The following SNX29 variants were observed in gnomAD, a reference collection of about 807,000 sequenced individuals.
SNX29 encodes the protein sorting nexin 29.
A neutral mutation model predicts 102.1 loss-of-function variants in SNX29; 78 were observed. The ratio of observed to expected loss-of-function variants is 0.76; its 90% CI spans 0.64 to 0.92. The LOEUF (loss-of-function observed/expected upper bound fraction) is 0.92. SNX29 is among the 40% of genes least tolerant of loss of function. SNX29 has a pLI of 0.00. For missense variants in SNX29, 1,280 were observed against 1,061.7 expected (o/e 1.21, Z -2.86); for synonymous variants, 580 against 414.5 (o/e 1.40, Z -4.85).
At chr16:12,511,482 C>T (rs879435360) in intron 19 of SNX29, among the ~76,000 whole-genome samples, 1 of 152,138 alleles carries the variant, frequency 6.6e-6, no homozygotes, top group African/African-American at 2.4e-5. Flanking sequence ...TGATAAAGGT[C>T]CTATTATTGT....
chr16:12,476,367 A>T (rs1224728396), intron 18 of SNX29, among the ~76,000 whole-genome samples: 13 of 23,540 alleles, frequency 5.5e-4, no homozygotes, highest in Non-Finnish European at 7.3e-4. Context: ...AAAAAAAAAA[A>T]AAAAAAAAAA....
chr16:12,100,809 G>A (rs142368324), intron 11 of SNX29, among the ~76,000 whole-genome samples: 6 of 152,174 alleles, frequency 3.9e-5, no homozygotes, highest in African/African-American at 1.4e-4. Context: ...GAGCAGAGGT[G>A]GTGAGACAGG....
chr16:12,199,383 C>G (rs1414368418), intron 13 of SNX29, among the ~76,000 whole-genome samples: 1 of 152,176 alleles, frequency 6.6e-6, no homozygotes, highest in Admixed American at 6.5e-5. Flanking sequence ...GCTTATCTGT[C>G]TCATGAAAGA....
rs966943572 is a variant in SNX29 at position 12,098,934 on chromosome 16, A to G, written c.1402+20019A>G. 1.3e-5 allele frequency among the ~76,000 whole-genome samples: 2 copies of G among 152,026 alleles called. No homozygotes were observed. The highest frequency in any genetic ancestry group is 2.4e-5 in the African/African-American group (1 of 41,382). ...GGAAGAGCGCCTCCTGTCTGGCCCA[A>G]GTGGGCCAGGTCACTCCCTGCATTG... On this transcript the variant is annotated intron_variant, in intron 11 of 20. Coordinates refer to ENST00000566228, the MANE Select transcript of SNX29 (RefSeq NM_032167.5). This position sits in a 1 kb window ranked among gnomAD's most constrained non-coding sequence, Gnocchi z 6.0.
intron 14 of SNX29, among the ~76,000 whole-genome samples, chr16:12,270,311 G>A (rs1304568056): frequency 6.6e-6 from 1 of 152,178 alleles, no homozygotes; most frequent in Non-Finnish European, 1.5e-5. Flanking sequence ...GAATTGATTG[G>A]TTTATTGGGG....
intron 14 of SNX29, among the ~76,000 whole-genome samples, chr16:12,212,916 C>T (rs946118475): frequency 5.3e-5 from 8 of 152,126 alleles, no homozygotes; most frequent in African/African-American, 1.4e-4. Flanking sequence ...GAATTTGAGA[C>T]GAGCCTGGCC....
At chr16:12,240,111 A>G (rs936428468) in intron 14 of SNX29, among the ~76,000 whole-genome samples, 7 of 152,350 alleles carry the variant, frequency 4.6e-5, no homozygotes, top group Admixed American at 3.9e-4. Flanking sequence ...TAACGGCCGC[A>G]TGATGTCTCT....
Position 12,519,042 on chromosome 16 carries a change from C to T in SNX29, c.2179-5660C>T, listed in dbSNP as rs558590870. Among the ~76,000 whole-genome samples, 3 of 152,270 alleles carry T rather than the reference C, an allele frequency of 2.0e-5. No individual in the cohort carries two copies. In the South Asian group the frequency reaches 6.2e-4, roughly 32 times the overall value. ...GCTGCCAGGACGGGGAGCAGGCTGT[C>T]CTGGGGAGTGACGGTGCTATGTGGT... On this transcript the variant is annotated intron_variant, in intron 19 of 20. Coordinates refer to ENST00000566228, the MANE Select transcript of SNX29 (RefSeq NM_032167.5).
intron 18 of SNX29, among the ~76,000 whole-genome samples, chr16:12,446,621 C>T (rs146176454): frequency 4.5e-4 from 68 of 152,214 alleles, no homozygotes; most frequent in African/African-American, 1.6e-3. Context: ...AAAGAGTTGG[C>T]CCTGTGGAGG....
intron 13 of SNX29, among the ~76,000 whole-genome samples, chr16:12,169,850 G>T (rs2076104354): frequency 6.6e-6 from 1 of 151,810 alleles, no homozygotes; most frequent in South Asian, 2.1e-4. Flanking sequence ...GACCATCCAG[G>T]GTTCAACAGC....
At chr16:12,187,610 T>C (rs993539233) in intron 13 of SNX29, among the ~76,000 whole-genome samples, 1 of 151,960 alleles carries the variant, frequency 6.6e-6, no homozygotes, top group Non-Finnish European at 1.5e-5. Context: ...TGCTCTGTAG[T>C]CTTCTTGGGG....
In SNX29 at chr16:12,572,809, G is replaced by C; in HGVS notation, c.*4180G>C. The C allele has an allele frequency of 1.9e-6, 2 of 1,063,858 alleles. No homozygotes were observed. Among genetic ancestry groups the C allele is most frequent in the South Asian group, 4.6e-5 (1 of 21,972 alleles). 65.9% of individuals were successfully genotyped at this position (1,063,858 alleles called of 1,614,324 possible). ...TCCTCCTTCCCCAGTACATCAGACT[G>C]GTTAGGAGGCATCCCAGAAGGGGCA... On this transcript the variant is annotated 3_prime_UTR_variant, in exon 21 of 21. Transcript: ENST00000566228.
chr16:12,369,542 C>T (rs780629884), intron 16 of SNX29, among the ~76,000 whole-genome samples: 17 of 152,220 alleles, frequency 1.1e-4, no homozygotes, highest in South Asian at 2.1e-4. Flanking sequence ...AGGTCCTCTC[C>T]TGTACATGGT....
chr16:12,224,381 G>C (rs2077556407), intron 14 of SNX29, among the ~76,000 whole-genome samples: 1 of 152,138 alleles, frequency 6.6e-6, no homozygotes, highest in African/African-American at 2.4e-5. Flanking sequence ...TGGATGCCAT[G>C]ATGCAGACCT....
At chr16:12,185,264 G>C (rs2076482613) in intron 13 of SNX29, among the ~76,000 whole-genome samples, 1 of 152,258 alleles carries the variant, frequency 6.6e-6, no homozygotes, top group South Asian at 2.1e-4. Context: ...AGGGATCTTT[G>C]GGGGAACTGG....
chr16:12,340,836 T>C (rs998602586), intron 15 of SNX29, among the ~76,000 whole-genome samples: 2 of 152,154 alleles, frequency 1.3e-5, no homozygotes, highest in African/African-American at 4.8e-5. Context: ...TGGAGAGTGT[T>C]CCTCAGTGTC....
At chr16:12,234,083 C>T (rs1379266796) in intron 14 of SNX29, among the ~76,000 whole-genome samples, 1 of 152,198 alleles carries the variant, frequency 6.6e-6, no homozygotes, top group Non-Finnish European at 1.5e-5. Context: ...GTTGTGTGGA[C>T]GTGTTTTTCA....
At chr16:12,243,260 G>C (rs2078166375) in intron 14 of SNX29, among the ~76,000 whole-genome samples, 1 of 152,202 alleles carries the variant, frequency 6.6e-6, no homozygotes, top group Non-Finnish European at 1.5e-5. Context: ...CAGATACTGG[G>C]TTAGGCTTCA....
intron 14 of SNX29, among the ~76,000 whole-genome samples, chr16:12,265,300 C>T (rs540814434): frequency 1.3e-5 from 2 of 152,118 alleles, no homozygotes; most frequent in African/African-American, 2.4e-5. Context: ...AAGTTTCCAT[C>T]GAAGCCTCTG....
Sources: allele counts gnomAD v4.1 joint callset (sites outside exome capture counted in the v4.1 genomes callset), GRCh38; gene constraint gnomAD v4.1.1; non-coding constraint Gnocchi (gnomAD v3.1); transcripts MANE v1.5; gene names NCBI Gene and HGNC (gene_info 2026-07-23, HGNC 2026-07-21).